Variants in GGT1 observed in about 807,000 individuals in gnomAD.
GGT1 encodes the protein glutathione hydrolase 1 proenzyme.
GGT1 carries 21 observed loss-of-function variants against 56.0 expected under a neutral mutation model. That is an observed-to-expected ratio of 0.38 (90% CI 0.27 to 0.54). The LOEUF is 0.54. Ranked by LOEUF, GGT1 falls within the 20% of genes least tolerant of loss-of-function variation. The pLI is 0.82. For synonymous variants in GGT1, 238 were observed against 342.6 expected, an observed-to-expected ratio of 0.69 and a Z score of 3.37; for missense variants, 466 against 787.0, an observed-to-expected ratio of 0.59 and a Z score of 4.88.
At chr22:24,596,742 C>CAAAAAA (rs57547019) in intron 1 of GGT1, among the ~76,000 whole-genome samples, 4 of 108,346 alleles carry the variant, frequency 3.7e-5, no homozygotes, top group Admixed American at 1.0e-4. Context: ...TACTAAAATA[C>CAAAAAA]AAAAAAAAAA....
At chr22:24,603,561 G>A (rs2045836316) in intron 1 of GGT1, 34 bp downstream of exon 1, 1 of 152,470 alleles carries the variant, frequency 6.6e-6, no homozygotes, top group Admixed American at 6.5e-5. Context: ...ATCCGACTGG[G>A]TCTGGGCTGG....
rs1183814203 is a variant in GGT1, at chr22:24,613,751, GA to G, written c.165-1014del. On this transcript the variant is annotated intron_variant, in intron 5 of 15. Coordinates refer to ENST00000400382, the MANE Select transcript of GGT1 (RefSeq NM_001288833.2). Reference sequence around the variant, plus strand: ...GGCAACTGAGTGAAACTCCCTCTCAGAAAAAAAAAAAGAAAGAAAAGAAAAG... The same window carrying G: ...GGCAACTGAGTGAAACTCCCTCTCAGAAAAAAAAAAGAAAGAAAAGAAAAG... Among the ~76,000 whole-genome samples, 34 of 120,222 alleles carry G rather than the reference GA, an allele frequency of 2.8e-4. No individual in the cohort carries two copies. In the East Asian group the frequency reaches 3.1e-3, roughly 11 times the overall value. 78.9% of individuals were successfully genotyped at this position (120,222 alleles called of 152,430 possible). A position where few individuals can be genotyped will look rare whatever the true frequency, so the allele number is the denominator to read the frequency against.
rs113227246 is a variant in GGT1, at chr22:24,596,723, C to T, written c.-324+1837C>T. ...GGCCATCCTGTCCAACATGGTGAAA[C>T]CCTGTCTCTACTAAAATACAAAAAA... On this transcript the variant is annotated intron_variant, in intron 1 of 6. Coordinates refer to the GGT1 transcript ENST00000411974. 8.7e-3 allele frequency among the ~76,000 whole-genome samples: 1,226 copies of T among 140,678 alleles called. 11 individuals are homozygous for T. The highest frequency in any genetic ancestry group is 0.015 in the Admixed American group (201 of 13,290). The allele number at this position is 140,678 out of a possible 152,430, so 92.3% of individuals were successfully genotyped here.
At chr22:24,612,384 A>G (rs1373444099) in intron 5 of GGT1, among the ~76,000 whole-genome samples, 1 of 151,184 alleles carries the variant, frequency 6.6e-6, no homozygotes, top group Non-Finnish European at 1.5e-5. Context: ...ATATGTACAC[A>G]TGTGCCATGT....
Position 24,623,220 on chromosome 22 carries a change from G to A in GGT1, c.847G>A (p.Gly283Arg), listed in dbSNP as rs779978149. The change falls in exon 10 of 16, where the codon GGG becomes AGG. Residue 283 changes from glycine to arginine, a missense_variant. Gly to Arg is a moderately radical substitution (Grantham distance 125). Around this residue, in one of 2 missense-constraint regions of GGT1, gnomAD observed 456 missense variants for 716.7 expected, o/e 0.64. Transcript: ENST00000400382. ...GTACATGCCCAGTGCGCCGCTCAGCGGGCCCGTGCTGGCCCTCATCCTCAA... is the reference window on the plus strand; with the variant it reads ...GTACATGCCCAGTGCGCCGCTCAGCAGGCCCGTGCTGGCCCTCATCCTCAA... ...VLYMPSAPLS[G>R]PVLALILNIL... The A allele has an allele frequency of 1.1e-5, 18 of 1,596,854 alleles. No homozygotes were observed. The highest frequency in any genetic ancestry group is 4.0e-5 in the African/African-American group (3 of 74,174).
intron 9 of GGT1, among the ~76,000 whole-genome samples, chr22:24,622,589 CACA>C (rs1569062970): frequency 6.6e-6 from 1 of 151,958 alleles, no homozygotes; most frequent in Non-Finnish European, 1.5e-5. Flanking sequence ...AGTAGCAAAA[CACA>C]ACAAAAAAAT....
At chr22:24,589,747 C>A in the GGT1 span, 2 of 1,478,692 alleles carry the variant, frequency 1.4e-6, no homozygotes, top group South Asian at 2.7e-5. Flanking sequence ...GCCTCCCAGT[C>A]CCCAGCCCTG....
In GGT1 at chr22:24,621,089, G is replaced by T; in HGVS notation, c.733+19G>T. The T allele has an allele frequency of 6.4e-7, 1 of 1,558,588 alleles. No homozygotes were observed. The highest frequency in any genetic ancestry group is 8.7e-7 in the Non-Finnish European group (1 of 1,151,160). On this transcript the variant is annotated intron_variant, in intron 9 of 15. Coordinates refer to ENST00000400382, the MANE Select transcript of GGT1 (RefSeq NM_001288833.2). The stretch of plus-strand genomic sequence containing the variant: ...GCGGCCGGTGAGTGGGTAACCTCAG[G>T]GGCCTGGGTGAGGAACTCTGCAGTG...
intron 5 of GGT1, among the ~76,000 whole-genome samples, chr22:24,614,348 CAA>C (rs534749815): frequency 0.049 from 521 of 10,528 alleles, no homozygotes; most frequent in African/African-American, 0.12. Context: ...GACTTTGTCT[CAA>C]AAAAAAAAAA....
the GGT1 span, chr22:24,589,086 G>T: frequency 1.8e-6 from 2 of 1,091,216 alleles, no homozygotes; most frequent in South Asian, 4.4e-5. Flanking sequence ...GGGGCCGACT[G>T]TGCAGAGACC....
At chr22:24,610,580 G>A (rs1329496203) in intron 4 of GGT1, 49 bp downstream of exon 4, 4 of 163,738 alleles carry the variant, frequency 2.4e-5, no homozygotes, top group Non-Finnish European at 5.3e-5. Context: ...TCTGATTGTG[G>A]GCACTATGGA....
At chr22:24,623,314 A>C in intron 10 of GGT1, 58 bp downstream of exon 10, 1 of 1,427,756 alleles carries the variant, frequency 7.0e-7, no homozygotes, top group Non-Finnish European at 9.6e-7. Context: ...CTCTCTCCCC[A>C]CGCCCCACCC....
chr22:24,597,102 C>A (rs2147190775), intron 1 of GGT1, among the ~76,000 whole-genome samples: 1 of 151,790 alleles, frequency 6.6e-6, no homozygotes, highest in East Asian at 2.0e-4. Flanking sequence ...CCTGCCTCAG[C>A]CTTCCAAGTA....
At chr22:24,591,985 G>A (rs1025413213), upstream of GGT1, among the ~76,000 whole-genome samples, 1 of 152,236 alleles carries the variant, frequency 6.6e-6, no homozygotes, top group African/African-American at 2.4e-5. Flanking sequence ...CATTTTCTCT[G>A]TGGGCCCTGG....
chr22:24,595,409 G>T lies in GGT1; in HGVS notation c.-324+523G>T, dbSNP rs556679497. Among the ~76,000 whole-genome samples the T allele has an allele frequency of 9.2e-5, 14 of 152,302 alleles. No homozygotes were observed. In the East Asian group the frequency reaches 1.2e-3, roughly 13 times the overall value. ...TCGCTAGCCCACATGTGTTCTTCAC[G>T]GAGGGCTGCTGGCCCGTCTCCCTGG... On this transcript the variant is annotated intron_variant, in intron 1 of 6. Coordinates refer to the GGT1 transcript ENST00000411974.
chr22:24,601,856 A>G (rs962656196), upstream of GGT1, among the ~76,000 whole-genome samples: 1 of 152,206 alleles, frequency 6.6e-6, no homozygotes, highest in African/African-American at 2.4e-5. Context: ...CAAGGACACA[A>G]AAGAGCCAGC....
the GGT1 span, among the ~76,000 whole-genome samples, chr22:24,585,359 C>T: frequency 4.6e-5 from 7 of 152,286 alleles, no homozygotes; most frequent in South Asian, 1.2e-3. Context: ...GCTCCCGACC[C>T]GCTCCTTCGC....
rs762975169 is a variant in GGT1 at position 24,620,881 on chromosome 22, C to G, written c.576-32C>G. ...GGTGGTCTAGCTGAGTCCACCCCAC[C>G]TGCTGCCTCACATGAGCCCCCTCTG... On this transcript the variant is annotated intron_variant, in intron 8 of 15. Coordinates refer to ENST00000400382, the MANE Select transcript of GGT1 (RefSeq NM_001288833.2). This position sits in a 1 kb window ranked among gnomAD's most constrained non-coding sequence, Gnocchi z 5.6. The G allele has an allele frequency of 1.9e-6, 3 of 1,610,158 alleles. No homozygotes were observed. Among genetic ancestry groups the G allele is most frequent in the Non-Finnish European group, 1.7e-6 (2 of 1,178,764 alleles).
intron 11 of GGT1, among the ~76,000 whole-genome samples, chr22:24,624,895 G>A (rs557927954): frequency 3.3e-4 from 50 of 151,354 alleles, no homozygotes; most frequent in African/African-American, 1.1e-3. Flanking sequence ...CCACCAGATC[G>A]CCATGTCCAG....
Sources: gnomAD v4.1 joint callset for allele counts (sites outside exome capture counted in the v4.1 genomes callset) on GRCh38, gnomAD v4.1.1 for gene constraint, gnomAD v4.1.1 regional missense constraint, Gnocchi (gnomAD v3.1) non-coding constraint, MANE v1.5 for transcripts, NCBI Gene and HGNC (gene_info 2026-07-23, HGNC 2026-07-21) for gene names.